Variants in AHCYL2 observed in about 807,000 individuals in gnomAD.
AHCYL2 encodes the protein adenosylhomocysteinase like 2.
Under a neutral mutation model 81.4 loss-of-function variants are expected in AHCYL2, and 28 were observed. The ratio of observed to expected loss-of-function variants is 0.34; its 90% CI spans 0.25 to 0.47. AHCYL2 has a LOEUF of 0.47. Among genes scored for constraint, AHCYL2 ranks in the 20% least tolerant of loss-of-function variants. The pLI, the probability that AHCYL2 is intolerant of heterozygous loss-of-function variation, is 1.00. For synonymous variants in AHCYL2, 272 were observed against 290.2 expected (o/e 0.94, Z 0.64); for missense variants, 551 against 785.1 (o/e 0.70, Z 3.56).
At chr7:129,287,886 A>T (rs565534653) in intron 1 of AHCYL2, among the ~76,000 whole-genome samples, 8 of 152,184 alleles carry the variant, frequency 5.3e-5, no homozygotes, top group Admixed American at 2.0e-4. Context: ...ATTCATGGCC[A>T]CTTGTTTCAC....
rs1325299245 is a variant in AHCYL2, at chr7:129,426,634, G to C, written c.1829+71G>C. 2 of 1,562,028 alleles carry C rather than the reference G, an allele frequency of 1.3e-6. No individual in the cohort carries two copies. Among genetic ancestry groups the C allele is most frequent in the African/African-American group, 2.7e-5 (2 of 73,060 alleles). ...GCTTCCTGCACTGGAATTGGTCTTT[G>C]CATCCCCAACCACATATGCTTACAT... On this transcript the variant is annotated intron_variant, in intron 16 of 16. Coordinates refer to ENST00000325006, the MANE Select transcript of AHCYL2 (RefSeq NM_015328.4). This position sits in a 1 kb window ranked among gnomAD's most constrained non-coding sequence, Gnocchi z 4.3.
intron 1 of AHCYL2, among the ~76,000 whole-genome samples, chr7:129,358,756 T>G (rs1369419417): frequency 1.3e-5 from 2 of 152,184 alleles, no homozygotes; most frequent in Non-Finnish European, 2.9e-5. Flanking sequence ...TATGTACATT[T>G]ACCACAATTT....
At chr7:129,274,702 C>G (rs1418131083) in intron 1 of AHCYL2, among the ~76,000 whole-genome samples, 2 of 152,100 alleles carry the variant, frequency 1.3e-5, no homozygotes, top group Admixed American at 1.3e-4. Context: ...CACATAGAAC[C>G]CGGTCACCAT....
intron 1 of AHCYL2, among the ~76,000 whole-genome samples, chr7:129,361,306 C>T (rs1305973662): frequency 6.6e-6 from 1 of 152,154 alleles, no homozygotes; most frequent in Non-Finnish European, 1.5e-5. Flanking sequence ...TATCCTTTAC[C>T]TTTCTGCTTA....
At chr7:129,370,401 A>AGTTGGTTGG in intron 1 of AHCYL2, among the ~76,000 whole-genome samples, 1 of 151,830 alleles carries the variant, frequency 6.6e-6, no homozygotes, top group South Asian at 2.1e-4. Flanking sequence ...TAAAAAATAA[A>AGTTGGTTGG]TAAAAAAATT....
chr7:129,267,386 A>G (rs1795851375), intron 1 of AHCYL2, among the ~76,000 whole-genome samples: 2 of 151,264 alleles, frequency 1.3e-5, no homozygotes, highest in South Asian at 4.2e-4. Context: ...CTCACTGCAA[A>G]CTCCACCTCC....
intron 1 of AHCYL2, chr7:129,377,596 T>A (rs1436725705): frequency 4.4e-6 from 2 of 456,598 alleles, no homozygotes; most frequent in Non-Finnish European, 8.8e-6. Flanking sequence ...GTTCTGCCCA[T>A]CAAGGAACCA....
chr7:129,302,189 GGTATATA>G (rs1797278900), intron 1 of AHCYL2, among the ~76,000 whole-genome samples: 1 of 151,968 alleles, frequency 6.6e-6, no homozygotes, highest in South Asian at 2.1e-4. Context: ...ACTTGCTGTT[GGTATATA>G]GAAATGCTAG....
At position 129,244,029 on chromosome 7, in the gene AHCYL2, T is replaced by TG. The variant is rs541353258; in HGVS notation, c.363+18591dup. On this transcript the variant is annotated intron_variant, in intron 1 of 16. Transcript: ENST00000325006. ...TTTTTTTGGTGGGGGGACAGTATCT[T>TG]GCTGTGTTGCCCAGGGTAGAGTGCA... 7.8e-3 allele frequency among the ~76,000 whole-genome samples: 1,180 copies of TG among 152,124 alleles called. 11 individuals are homozygous for TG. Among genetic ancestry groups the TG allele is most frequent in the Non-Finnish European group, 0.012 (793 of 68,002 alleles).
chr7:129,236,989 G>C (rs892232963), intron 1 of AHCYL2, among the ~76,000 whole-genome samples: 1 of 151,200 alleles, frequency 6.6e-6, no homozygotes, highest in African/African-American at 2.4e-5. Context: ...TTTTTTTCAT[G>C]TTGGTTTTAG....
Position 129,425,103 on chromosome 7 carries a change from G to T in AHCYL2, c.1670G>T (p.Arg557Leu). 1 of 1,613,488 alleles carries T rather than the reference G, an allele frequency of 6.2e-7. No homozygotes were observed. The highest frequency in any genetic ancestry group is 8.5e-7 in the Non-Finnish European group (1 of 1,179,956). ...LIELYNAPEG[R>L]YKQDVYLLPK... The stretch of plus-strand genomic sequence containing the variant: ...GAGCTTTACAATGCTCCTGAGGGTC[G>T]CTATAAGCAGGATGTCTACCTGTTG... Residue 557 changes from arginine (R) to leucine (L), a missense_variant, in exon 15 of 17, where the codon CGC becomes CTC. Physicochemically the swap from Arg to Leu is moderately radical, Grantham distance 102 (BLOSUM62 -2). This residue lies in a region of AHCYL2 where 316 missense variants were observed against 543.1 expected (regional missense o/e 0.58). Transcript: ENST00000325006.
At chr7:129,390,701 T>A (rs1246017085) in intron 4 of AHCYL2, among the ~76,000 whole-genome samples, 1 of 152,102 alleles carries the variant, frequency 6.6e-6, no homozygotes, top group Non-Finnish European at 1.5e-5. Context: ...CAAACTGACA[T>A]GAAAAGGAAG....
intron 1 of AHCYL2, among the ~76,000 whole-genome samples, chr7:129,262,852 G>A (rs961976135): frequency 6.6e-6 from 1 of 152,136 alleles, no homozygotes; most frequent in Non-Finnish European, 1.5e-5. Flanking sequence ...ATGAAGAATA[G>A]CATATAATAA....
At chr7:129,248,206 G>A (rs995819473) in intron 1 of AHCYL2, among the ~76,000 whole-genome samples, 5 of 152,186 alleles carry the variant, frequency 3.3e-5, no homozygotes, top group African/African-American at 9.7e-5. Context: ...CAGCTTGTCT[G>A]TCTTGATGCC....
chr7:129,302,623 G>A (rs190561996), intron 1 of AHCYL2, among the ~76,000 whole-genome samples: 1 of 152,258 alleles, frequency 6.6e-6, no homozygotes, highest in East Asian at 1.9e-4. Flanking sequence ...ATGATCATAT[G>A]GTTCTTGTCC....
intron 5 of AHCYL2, among the ~76,000 whole-genome samples, chr7:129,399,875 C>T (rs1376027553): frequency 6.6e-6 from 1 of 151,944 alleles, no homozygotes; most frequent in Non-Finnish European, 1.5e-5. Context: ...TACAGGCATG[C>T]ACCACCACGC....
chr7:129,277,975 C>T (rs553741452), intron 1 of AHCYL2, among the ~76,000 whole-genome samples: 8 of 152,262 alleles, frequency 5.3e-5, no homozygotes, highest in Non-Finnish European at 8.8e-5. Context: ...TATAAGTGTA[C>T]GGTTTAATTT....
intron 1 of AHCYL2, among the ~76,000 whole-genome samples, chr7:129,248,801 CA>C: frequency 6.6e-6 from 1 of 152,098 alleles, no homozygotes; most frequent in East Asian, 1.9e-4. Context: ...ACTTCTGATA[CA>C]TGAACATGGA....
chr7:129,374,184 C>A (rs1422293524), intron 1 of AHCYL2, among the ~76,000 whole-genome samples: 2 of 151,984 alleles, frequency 1.3e-5, no homozygotes, highest in African/African-American at 2.4e-5. Flanking sequence ...AGGACTAGGA[C>A]CTTTGGTCTT....
Sources: gnomAD v4.1 joint callset for allele counts (sites outside exome capture counted in the v4.1 genomes callset) on GRCh38, gnomAD v4.1.1 for gene constraint, gnomAD v4.1.1 regional missense constraint, Gnocchi (gnomAD v3.1) non-coding constraint, MANE v1.5 for transcripts, NCBI Gene and HGNC (gene_info 2026-07-23, HGNC 2026-07-21) for gene names.